ACSM3: variants seen among roughly 807,000 people sequenced by gnomAD.
ACSM3 encodes the protein acyl-coenzyme A synthetase ACSM3, mitochondrial.
A neutral mutation model predicts 74.1 loss-of-function variants in ACSM3; 61 were observed. That is an observed-to-expected ratio of 0.82 (90% CI 0.67 to 1.02). The LOEUF is 1.02. ACSM3 is among the 50% of genes least tolerant of loss of function. ACSM3 has a pLI of 0.00. For missense variants in ACSM3, 660 were observed against 697.0 expected (o/e 0.95, Z 0.60); for synonymous variants, 213 against 241.5 (o/e 0.88, Z 1.09).
At chr16:20,687,334 GA>G (rs1223080205) in intron 1 of ACSM3, among the ~76,000 whole-genome samples, 2 of 152,056 alleles carry the variant, frequency 1.3e-5, no homozygotes, top group Non-Finnish European at 2.9e-5. Context: ...GACTTTTAGG[GA>G]AATTAAGAAA....
At chr16:20,683,234 C>T (rs957549920) in intron 1 of ACSM3, among the ~76,000 whole-genome samples, 4 of 152,102 alleles carry the variant, frequency 2.6e-5, no homozygotes, top group African/African-American at 7.2e-5. Context: ...TGTCCTGTCT[C>T]AGCCTCTCCA....
intron 1 of ACSM3, among the ~76,000 whole-genome samples, chr16:20,748,699 C>T (rs55792109): frequency 0.13 from 20,418 of 152,180 alleles, 1,759 homozygotes; most frequent in South Asian, 0.26. Flanking sequence ...GTGTTTCCAG[C>T]CACTTCTTGC....
chr16:20,706,189 A>C (rs2079727069), intron 1 of ACSM3, among the ~76,000 whole-genome samples: 1 of 152,138 alleles, frequency 6.6e-6, no homozygotes, highest in African/African-American at 2.4e-5. Context: ...TTTTGGTGAA[A>C]GATATAAATT....
chr16:20,697,206 G>A (rs959208574), intron 1 of ACSM3, among the ~76,000 whole-genome samples: 17 of 152,072 alleles, frequency 1.1e-4, no homozygotes, highest in African/African-American at 4.1e-4. Context: ...TCAAGTACCT[G>A]GGACCACAGG....
intron 1 of ACSM3, among the ~76,000 whole-genome samples, chr16:20,712,904 C>T (rs1446744757): frequency 2.0e-5 from 3 of 150,260 alleles, no homozygotes; most frequent in Non-Finnish European, 3.0e-5. Context: ...CAGAGCAAGA[C>T]TCTGTCTCAA....
intron 1 of ACSM3, among the ~76,000 whole-genome samples, chr16:20,714,542 C>T (rs118018092): frequency 0.04 from 6,059 of 152,096 alleles, 195 homozygotes; most frequent in Admixed American, 0.083. Flanking sequence ...AAAATCTAAA[C>T]CTGAGCTCTG....
At position 20,685,141 on chromosome 16, in the gene ACSM3, A is replaced by G; in HGVS notation, c.-190+10319A>G. ...CACAGCACCTAATATCTCAGGACCC[A>G]TTGGTTCTAGAACAGCCCCGAGGTC... On this transcript the variant is annotated intron_variant, in intron 1 of 3. Coordinates refer to the ACSM3 transcript ENST00000561584. 4 of 1,594,256 alleles carry G rather than the reference A, an allele frequency of 2.5e-6. No individual in the cohort carries two copies. In the Admixed American group the frequency reaches 5.0e-5, roughly 20 times the overall value.
At chr16:20,738,013 T>A in intron 1 of ACSM3, 1 of 1,502,280 alleles carries the variant, frequency 6.7e-7, no homozygotes, top group South Asian at 1.3e-5. Flanking sequence ...AAGATCGAAC[T>A]CTAAAATGAA....
intron 1 of ACSM3, chr16:20,690,940 G>T: frequency 6.5e-7 from 1 of 1,545,876 alleles, no homozygotes; most frequent in South Asian, 1.2e-5. Context: ...GTAGGAGCAA[G>T]ATAAGGAAAG....
chr16:20,724,358 T>C (rs183702368), intron 1 of ACSM3, among the ~76,000 whole-genome samples: 1 of 152,314 alleles, frequency 6.6e-6, no homozygotes, highest in East Asian at 1.9e-4. Flanking sequence ...CTCAATAAAT[T>C]AGGTATTGAT....
chr16:20,761,584 G>C (rs1468358861), upstream of ACSM3, among the ~76,000 whole-genome samples: 1 of 152,164 alleles, frequency 6.6e-6, no homozygotes, highest in African/African-American at 2.4e-5. Flanking sequence ...TGTTAGAGTA[G>C]GTAGTCAGGC....
intron 1 of ACSM3, among the ~76,000 whole-genome samples, chr16:20,694,714 T>C (rs1249176792): frequency 1.3e-5 from 2 of 152,138 alleles, no homozygotes; most frequent in East Asian, 3.9e-4. Flanking sequence ...TTGAACTGTG[T>C]CCCCCATGAA....
chr16:20,685,506 T>A, intron 1 of ACSM3: 1 of 1,083,500 alleles, frequency 9.2e-7, no homozygotes, highest in Non-Finnish European at 1.4e-6. Context: ...GAACACAGCT[T>A]AAGGACTGAG....
chr16:20,724,958 A>T (rs1032012451), intron 1 of ACSM3, among the ~76,000 whole-genome samples: 6 of 152,236 alleles, frequency 3.9e-5, no homozygotes, highest in African/African-American at 1.4e-4. Context: ...CATACTGCCC[A>T]AGGTAATGTA....
At chr16:20,699,198 C>T (rs933695049) in intron 1 of ACSM3, among the ~76,000 whole-genome samples, 1 of 152,146 alleles carries the variant, frequency 6.6e-6, no homozygotes, top group South Asian at 2.1e-4. Context: ...GCCTGTAAAG[C>T]ACCTGGACCA....
intron 1 of ACSM3, among the ~76,000 whole-genome samples, chr16:20,695,626 A>G (rs1226231163): frequency 2.6e-5 from 4 of 151,918 alleles, no homozygotes; most frequent in Non-Finnish European, 5.9e-5. Flanking sequence ...TTACCTATCT[A>G]TTATGTATCT....
At chr16:20,757,355 C>G (rs1267148385) in intron 3 of ACSM3, among the ~76,000 whole-genome samples, 2 of 150,834 alleles carry the variant, frequency 1.3e-5, no homozygotes, top group African/African-American at 4.8e-5. Flanking sequence ...CTTCACGTCC[C>G]TTGTAAGTTG....
intron 8 of ACSM3, 79 bp downstream of exon 8, chr16:20,785,186 T>C (rs8058758): frequency 0.53 from 831,185 of 1,558,908 alleles, 234,334 homozygotes; most frequent in Non-Finnish European, 0.59. Flanking sequence ...ACAGTCTCCT[T>C]ATGATTATTT....
chr16:20,693,044 C>T (rs2079669610), intron 1 of ACSM3, among the ~76,000 whole-genome samples: 1 of 151,998 alleles, frequency 6.6e-6, no homozygotes, highest in Admixed American at 6.6e-5. Flanking sequence ...GAAGTGCCTG[C>T]CTGTAGTCCC....
Sources: allele counts gnomAD v4.1 joint callset (sites outside exome capture counted in the v4.1 genomes callset), GRCh38; gene constraint gnomAD v4.1.1; transcripts MANE v1.5; gene names NCBI Gene and HGNC (gene_info 2026-07-23, HGNC 2026-07-21).